The following CPEB3 variants were observed in gnomAD, a reference collection of about 807,000 sequenced individuals.
CPEB3 encodes the protein cytoplasmic polyadenylation element binding protein 3, also known as cytoplasmic polyadenylation element-binding protein 3.
Under a neutral mutation model 67.2 loss-of-function variants are expected in CPEB3, and 20 were observed. The ratio of observed to expected loss-of-function variants is 0.30; its 90% CI spans 0.21 to 0.43. The LOEUF (loss-of-function observed/expected upper bound fraction) is 0.43. Among genes scored for constraint, CPEB3 ranks in the 20% least tolerant of loss-of-function variants. The pLI is 1.00. For missense variants in CPEB3, 746 were observed against 968.6 expected, an observed-to-expected ratio of 0.77 and a Z score of 3.05; for synonymous variants, 376 against 393.1, an observed-to-expected ratio of 0.96 and a Z score of 0.51.
chr10:92,104,825 T>C lies in CPEB3; in HGVS notation c.1572+6251A>G, dbSNP rs574715886. 2.0e-5 allele frequency among the ~76,000 whole-genome samples: 3 copies of C among 152,296 alleles called. No individual in the cohort carries two copies. In the East Asian group the frequency reaches 5.8e-4, roughly 29 times the overall value. On this transcript the variant is annotated intron_variant, in intron 7 of 9. Coordinates refer to ENST00000265997, the MANE Select transcript of CPEB3 (RefSeq NM_014912.5). ...TCAAATGTATAATGAATAGGAGATATGTCTCTCACTTTGGAAAAGAAATTC... is the reference window on the plus strand; with the variant it reads ...TCAAATGTATAATGAATAGGAGATACGTCTCTCACTTTGGAAAAGAAATTC...
Position 92,111,117 on chromosome 10 carries a change from G to C in CPEB3, c.1531C>G (p.Leu511Val). Residue 511 changes from leucine (L) to valine (V), a missense_variant, in exon 7 of 10, where the codon CTC (leucine) becomes GTC (valine). Transcript: ENST00000265997. ...GTGGGGCTTGACACACACAGGTAGA[G>C]TTTCCCATCTTCTTCTAGGCAGGCA... is the stretch of plus-strand genomic sequence containing the variant. ...IDACLEEDGK[L>V]YLCVSSPTIK... is the part of the protein sequence containing the mutation. 2 of 1,614,118 alleles carry C rather than the reference G, an allele frequency of 1.2e-6. No homozygotes were observed. Among genetic ancestry groups the C allele is most frequent in the Non-Finnish European group, 1.7e-6 (2 of 1,179,964 alleles).
intron 1 of CPEB3, among the ~76,000 whole-genome samples, chr10:92,286,186 C>T (rs1842519176): frequency 6.6e-6 from 1 of 152,074 alleles, no homozygotes; most frequent in African/African-American, 2.4e-5. Context: ...CTGCCCACCT[C>T]GGCCTCCCAA....
intron 2 of CPEB3, among the ~76,000 whole-genome samples, chr10:92,228,644 T>C (rs1214798863): frequency 6.6e-6 from 1 of 152,146 alleles, no homozygotes; most frequent in African/African-American, 2.4e-5. Flanking sequence ...TAATCTCACA[T>C]GCCTGGAATT....
intron 1 of CPEB3, among the ~76,000 whole-genome samples, chr10:92,251,396 T>G (rs978218885): frequency 6.6e-6 from 1 of 152,144 alleles, no homozygotes; most frequent in African/African-American, 2.4e-5. Flanking sequence ...CTCTTCTCTC[T>G]CTCTCTCTCT....
At chr10:92,066,408 T>C (rs770405166) in intron 9 of CPEB3, among the ~76,000 whole-genome samples, 10 of 152,046 alleles carry the variant, frequency 6.6e-5, no homozygotes, top group Non-Finnish European at 1.5e-4. Flanking sequence ...GACAGATAGA[T>C]AGATAAATAA....
chr10:92,253,218 T>C (rs1852372124), intron 1 of CPEB3, among the ~76,000 whole-genome samples: 1 of 151,830 alleles, frequency 6.6e-6, no homozygotes, highest in Admixed American at 6.6e-5. Context: ...TCCCAGCACT[T>C]TGGGAGGCCG....
At chr10:92,200,872 G>A (rs1230230874) in intron 2 of CPEB3, among the ~76,000 whole-genome samples, 2 of 152,148 alleles carry the variant, frequency 1.3e-5, no homozygotes, top group African/African-American at 4.8e-5. Flanking sequence ...GGTCAGATAA[G>A]AGGCTTAGTA....
At chr10:92,280,750 ATTC>A (rs1241107431) in intron 1 of CPEB3, among the ~76,000 whole-genome samples, 29 of 123,918 alleles carry the variant, frequency 2.3e-4, no homozygotes, top group African/African-American at 9.8e-4. Context: ...GTGAGCATCT[ATTC>A]TTTTTTTTTT....
intron 8 of CPEB3, among the ~76,000 whole-genome samples, chr10:92,086,314 G>A (rs546237905): frequency 2.6e-4 from 39 of 152,258 alleles, no homozygotes; most frequent in African/African-American, 8.9e-4. Flanking sequence ...TTGGTTCAAG[G>A]GCAATTCACA....
At chr10:92,289,787 AT>A (rs1842743334) in intron 1 of CPEB3, among the ~76,000 whole-genome samples, 1 of 139,372 alleles carries the variant, frequency 7.2e-6, no homozygotes, top group African/African-American at 2.6e-5. Context: ...GTATATATGT[AT>A]TATATATTAT....
intron 1 of CPEB3, among the ~76,000 whole-genome samples, chr10:92,244,207 C>G (rs1029796911): frequency 6.1e-4 from 92 of 151,700 alleles, no homozygotes; most frequent in African/African-American, 2.2e-3. Context: ...ATTAGCTGAG[C>G]ATGGTGGCAG....
At chr10:92,129,126 GT>G (rs1255383694) in intron 6 of CPEB3, among the ~76,000 whole-genome samples, 1 of 152,194 alleles carries the variant, frequency 6.6e-6, no homozygotes, top group Non-Finnish European at 1.5e-5. Flanking sequence ...TAAAGAAAAC[GT>G]GGTACATATA....
At position 92,290,439 on chromosome 10, in the gene CPEB3, G is replaced by C. The variant is rs528415745; in HGVS notation, c.-12+487C>G. ...AGCAGAGAGAGAAACAAACATCCCT[G>C]ACAACCCACAGCTGAGTAAGCAAGA... is the stretch of plus-strand genomic sequence containing the variant. On this transcript the variant is annotated intron_variant, in intron 1 of 9. Transcript: ENST00000265997. Among the ~76,000 whole-genome samples the C allele has an allele frequency of 8.1e-4, 123 of 152,064 alleles. 1 individual carries two copies. Among genetic ancestry groups the C allele is most frequent in the African/African-American group, 2.8e-3 (117 of 41,478 alleles).
intron 9 of CPEB3, among the ~76,000 whole-genome samples, chr10:92,073,977 A>T (rs1183803248): frequency 6.6e-6 from 1 of 152,204 alleles, no homozygotes; most frequent in Non-Finnish European, 1.5e-5. Flanking sequence ...ATTTCTTTAG[A>T]GTGTCCTTAA....
chr10:92,189,312 C>T (rs1447684905), intron 3 of CPEB3, among the ~76,000 whole-genome samples: 6 of 152,166 alleles, frequency 3.9e-5, no homozygotes, highest in Non-Finnish European at 7.3e-5. Flanking sequence ...ATTTTGACAA[C>T]TTGCACCTGA....
intron 6 of CPEB3, among the ~76,000 whole-genome samples, chr10:92,141,284 T>C (rs1269380503): frequency 6.6e-6 from 1 of 151,382 alleles, no homozygotes; most frequent in Admixed American, 6.6e-5. Context: ...ATATACACCA[T>C]GGAATACTAT....
chr10:92,121,229 T>C (rs1192373446), intron 6 of CPEB3, among the ~76,000 whole-genome samples: 2 of 149,660 alleles, frequency 1.3e-5, no homozygotes. Context: ...AGGATGGTCT[T>C]GATTTCTTGA....
intron 9 of CPEB3, among the ~76,000 whole-genome samples, chr10:92,055,132 A>G (rs1237472396): frequency 6.6e-6 from 1 of 152,254 alleles, no homozygotes. Flanking sequence ...AAAATGCTTA[A>G]CAAACATATG....
At chr10:92,227,435 A>C (rs1851031579) in intron 2 of CPEB3, among the ~76,000 whole-genome samples, 1 of 152,222 alleles carries the variant, frequency 6.6e-6, no homozygotes, top group African/African-American at 2.4e-5. Context: ...CAGGTGCCAA[A>C]AGAAACTTAA....
Sources: gnomAD v4.1 joint callset for allele counts (sites outside exome capture counted in the v4.1 genomes callset) on GRCh38, gnomAD v4.1.1 for gene constraint, MANE v1.5 for transcripts, NCBI Gene and HGNC (gene_info 2026-07-23, HGNC 2026-07-21) for gene names.